CACNG6: variants seen among roughly 807,000 people sequenced by gnomAD.
CACNG6 encodes the protein voltage-dependent calcium channel gamma-6 subunit.
CACNG6 carries 21 observed loss-of-function variants against 23.9 expected under a neutral mutation model. That is an observed-to-expected ratio of 0.88 (90% CI 0.62 to 1.26). The LOEUF (loss-of-function observed/expected upper bound fraction) is 1.26, where lower values mean the gene tolerates loss of function less well. CACNG6 is among the 50% of genes most tolerant of loss of function. CACNG6 has a pLI of 0.00. For missense variants in CACNG6, 340 were observed against 352.9 expected, an observed-to-expected ratio of 0.96 and a Z score of 0.29; for synonymous variants, 182 against 168.9, an observed-to-expected ratio of 1.08 and a Z score of -0.60.
At chr19:54,010,392 C>T (rs1348878114) in intron 3 of CACNG6, among the ~76,000 whole-genome samples, 1 of 152,028 alleles carries the variant, frequency 6.6e-6, no homozygotes, top group Non-Finnish European at 1.5e-5. Flanking sequence ...TCTAGTGATC[C>T]AATCGCTTCA....
At chr19:54,006,252 A>G (rs1309628820) in intron 3 of CACNG6, among the ~76,000 whole-genome samples, 1 of 151,908 alleles carries the variant, frequency 6.6e-6, no homozygotes, top group East Asian at 1.9e-4. Flanking sequence ...ACTATAAGAA[A>G]GTACCACAGC....
At position 53,998,412 on chromosome 19, in the gene CACNG6, A is replaced by T; in HGVS notation, c.406+99A>T. On this transcript the variant is annotated intron_variant, in intron 2 of 3. Transcript: ENST00000252729. Reference sequence around the variant, plus strand: ...GTTATCCCCTCCTCTGCTTTACCCCAGGGCAGGTCTCGTGTCTATAATCTG... The same window carrying T: ...GTTATCCCCTCCTCTGCTTTACCCCTGGGCAGGTCTCGTGTCTATAATCTG... 2.8e-6 allele frequency: 3 copies of T among 1,054,066 alleles called. No homozygotes were observed. The South Asian group carries it at 4.2e-5, about 15-fold the overall frequency. The allele number at this position is 1,054,066 out of a possible 1,614,324, so 65.3% of individuals were successfully genotyped here.
intron 1 of CACNG6, among the ~76,000 whole-genome samples, chr19:53,993,470 C>G (rs1478458104): frequency 6.6e-6 from 1 of 152,066 alleles, no homozygotes; most frequent in Non-Finnish European, 1.5e-5. Flanking sequence ...TTTCCTGCTA[C>G]AGACTGTACC....
At chr19:54,008,844 C>T (rs757861388) in intron 3 of CACNG6, among the ~76,000 whole-genome samples, 11 of 152,186 alleles carry the variant, frequency 7.2e-5, no homozygotes, top group Non-Finnish European at 1.5e-4. Context: ...ATTATCTTGT[C>T]TCCTCATTTG....
Position 53,993,221 on chromosome 19 carries a change from C to T in CACNG6, c.331+13C>T. ...GAGCTGCCCGGAGGTGAGCAGCCGC[C>T]GCCCCGAGCGCAGGGCTTGCGTCCC... On this transcript the variant is annotated intron_variant, in intron 1 of 3. Transcript: ENST00000252729. 5 of 1,529,220 alleles carry T rather than the reference C, an allele frequency of 3.3e-6. No individual in the cohort carries two copies. The highest frequency in any genetic ancestry group is 4.4e-6 in the Non-Finnish European group (5 of 1,142,330). The allele number at this position is 1,529,220 out of a possible 1,614,324, so 94.7% of individuals were successfully genotyped here. A position where few individuals can be genotyped will look rare whatever the true frequency, so the allele number is the denominator to read the frequency against.
At chr19:54,006,330 C>A (rs1024502573) in intron 3 of CACNG6, among the ~76,000 whole-genome samples, 3 of 151,456 alleles carry the variant, frequency 2.0e-5, no homozygotes, top group Non-Finnish European at 4.4e-5. Flanking sequence ...AGTACCACAG[C>A]CTGGGTGGCT....
chr19:54,003,782 A>T (rs1223181078), intron 3 of CACNG6, among the ~76,000 whole-genome samples: 2 of 151,988 alleles, frequency 1.3e-5, no homozygotes, highest in Non-Finnish European at 2.9e-5. Context: ...TGGCCTCCTA[A>T]CTCTTCTCTA....
chr19:53,995,379 C>G (rs137867395), intron 1 of CACNG6, among the ~76,000 whole-genome samples: 1 of 152,286 alleles, frequency 6.6e-6, no homozygotes, highest in Non-Finnish European at 1.5e-5. Flanking sequence ...AGAGAAATAT[C>G]TCACACTCAC....
At chr19:54,005,074 T>A (rs1316108660) in intron 3 of CACNG6, among the ~76,000 whole-genome samples, 2 of 151,264 alleles carry the variant, frequency 1.3e-5, no homozygotes, top group African/African-American at 4.8e-5. Flanking sequence ...CCGGGCGTGG[T>A]GGCGGGCGCC....
At chr19:54,008,823 C>A (rs1331448096) in intron 3 of CACNG6, among the ~76,000 whole-genome samples, 1 of 152,218 alleles carries the variant, frequency 6.6e-6, no homozygotes, top group African/African-American at 2.4e-5. Context: ...TTTCATGCAT[C>A]ACCCTCTGAG....
At chr19:54,006,938 TC>T (rs984536523) in intron 3 of CACNG6, among the ~76,000 whole-genome samples, 1 of 151,242 alleles carries the variant, frequency 6.6e-6, no homozygotes, top group African/African-American at 2.4e-5. Context: ...CCTCAAGAGA[TC>T]CTCCTGCCTG....
At chr19:53,999,857 A>G in intron 3 of CACNG6, 86 bp downstream of exon 3, 1 of 1,510,222 alleles carries the variant, frequency 6.6e-7, no homozygotes, top group South Asian at 1.2e-5. Context: ...TGGGGTCTCT[A>G]TGCACTGTTG....
At position 53,992,767 on chromosome 19, in the gene CACNG6, G is replaced by A. The variant is rs1293143984; in HGVS notation, c.-111G>A. Reference sequence around the variant, plus strand: ...GGCTCTCCCTCTTTCATACCCAGGGGAAACTGAGTCCCTCACCCCCTTCAA... The same window carrying A: ...GGCTCTCCCTCTTTCATACCCAGGGAAAACTGAGTCCCTCACCCCCTTCAA... On this transcript the variant is annotated 5_prime_UTR_variant, in exon 1 of 4. Coordinates refer to ENST00000252729, the MANE Select transcript of CACNG6 (RefSeq NM_145814.2). The surrounding 1 kb of genome is among the most constrained non-coding windows in gnomAD (Gnocchi z 4.1). 8.1e-6 allele frequency: 5 copies of A among 615,962 alleles called. No homozygotes were observed. Among genetic ancestry groups the A allele is most frequent in the Non-Finnish European group, 1.3e-5 (5 of 397,656 alleles). 38.2% of individuals were successfully genotyped at this position (615,962 alleles called of 1,614,324 possible).
At position 53,993,100 on chromosome 19, in the gene CACNG6, G is replaced by C; in HGVS notation, c.223G>C (p.Val75Leu). 4 of 1,546,644 alleles carry C rather than the reference G, an allele frequency of 2.6e-6. No homozygotes were observed. The highest frequency in any genetic ancestry group is 3.5e-6 in the Non-Finnish European group (4 of 1,145,172). The change falls in exon 1 of 4, where the codon GTG becomes CTG. Residue 75 changes from valine to leucine, a missense_variant. Coordinates refer to ENST00000252729, the MANE Select transcript of CACNG6 (RefSeq NM_145814.2). The part of the protein sequence containing the change: ...LNTYKANGSA[V>L]CEAAHLGLWK... ...CACCTACAAGGCCAACGGCAGCGCC[G>C]TGTGCGAAGCGGCCCACCTGGGGCT...
In CACNG6 at chr19:54,006,517, C is replaced by CTTTTTTTTTTTTTTTTTTTTTTTTTTTTT. The variant is rs1236056716; in HGVS notation, c.545-5430_545-5429insTTTTTTTTTTTTTTTTTTTTTTTTTTTTT. Among the ~76,000 whole-genome samples, 8 of 107,324 alleles carry CTTTTTTTTTTTTTTTTTTTTTTTTTTTTT rather than the reference C, an allele frequency of 7.5e-5. 1 individual carries two copies. The highest frequency in any genetic ancestry group is 2.6e-4 in the African/African-American group (7 of 26,618). 70.4% of individuals were successfully genotyped at this position (107,324 alleles called of 152,430 possible). A position where few individuals can be genotyped will look rare whatever the true frequency, so the allele number is the denominator to read the frequency against. On this transcript the variant is annotated intron_variant, in intron 3 of 3. Coordinates refer to ENST00000252729, the MANE Select transcript of CACNG6 (RefSeq NM_145814.2). Reference sequence around the variant, plus strand: ...GGTCTGTGTCCCCAGTTCCTTCTTTCTTTTCTTTTTTTTTTTTTTTTTTTT... The same window carrying CTTTTTTTTTTTTTTTTTTTTTTTTTTTTT: ...GGTCTGTGTCCCCAGTTCCTTCTTTCTTTTTTTTTTTTTTTTTTTTTTTTTTTTTTTTTCTTTTTTTTTTTTTTTTTTTT...
intron 3 of CACNG6, among the ~76,000 whole-genome samples, chr19:54,006,471 A>G (rs1261880009): frequency 1.3e-5 from 2 of 149,290 alleles, no homozygotes; most frequent in African/African-American, 4.9e-5. Context: ...CTGTATCTTC[A>G]CATGGTCTTC....
At chr19:54,003,883 G>T (rs2069606298) in intron 3 of CACNG6, among the ~76,000 whole-genome samples, 1 of 151,598 alleles carries the variant, frequency 6.6e-6, no homozygotes, top group Non-Finnish European at 1.5e-5. Flanking sequence ...TTTAAGACAG[G>T]GTCTGGCTCT....
intron 3 of CACNG6, among the ~76,000 whole-genome samples, chr19:54,003,680 TG>T (rs1404561379): frequency 3.9e-5 from 6 of 152,066 alleles, no homozygotes; most frequent in Non-Finnish European, 7.4e-5. Context: ...CAAATTCTAT[TG>T]GCACTGCTTC....
Position 53,999,698 on chromosome 19 carries a change from C to T in CACNG6, c.471C>T (p.Leu157=). The change falls in exon 3 of 4, where the codon CTC becomes CTT. Residue 157 remains leucine, a synonymous_variant. Coordinates refer to ENST00000252729, the MANE Select transcript of CACNG6 (RefSeq NM_145814.2). ...LGLAVMALGC[L]CIIMVLSKGA... ...TGGCAGTCATGGCCTTGGGGTGCCT[C>T]TGTATCATCATGGTGCTCAGTAAAG... 1 of 1,614,026 alleles carries T rather than the reference C, an allele frequency of 6.2e-7. No homozygotes were observed. The highest frequency in any genetic ancestry group is 8.5e-7 in the Non-Finnish European group (1 of 1,179,952).
Sources: gnomAD v4.1 joint callset for allele counts (sites outside exome capture counted in the v4.1 genomes callset) on GRCh38, gnomAD v4.1.1 for gene constraint, Gnocchi (gnomAD v3.1) non-coding constraint, MANE v1.5 for transcripts, NCBI Gene and HGNC (gene_info 2026-07-23, HGNC 2026-07-21) for gene names.